The following HMBOX1 variants were observed in gnomAD, a reference collection of about 807,000 sequenced individuals.
The protein encoded by HMBOX1 is homeobox-containing protein 1.
HMBOX1 carries 14 observed loss-of-function variants against 54.5 expected under a neutral mutation model. That is an observed-to-expected ratio of 0.26 (90% CI 0.17 to 0.40). HMBOX1 has a LOEUF of 0.40. Among genes scored for constraint, HMBOX1 ranks in the 10% least tolerant of loss-of-function variants. The pLI is 1.00. For synonymous variants in HMBOX1, 160 were observed against 181.0 expected (o/e 0.88, Z 0.93); for missense variants, 332 against 514.4 (o/e 0.65, Z 3.43).
At chr8:28,924,039 A>T (rs1817986227) in intron 1 of HMBOX1, among the ~76,000 whole-genome samples, 1 of 151,596 alleles carries the variant, frequency 6.6e-6, no homozygotes, top group Non-Finnish European at 1.5e-5. Context: ...ATGATTTGCA[A>T]ATATATTTTC....
chr8:28,903,459 C>A (rs1393172130), intron 1 of HMBOX1, among the ~76,000 whole-genome samples: 1 of 152,200 alleles, frequency 6.6e-6, no homozygotes, highest in African/African-American at 2.4e-5. Context: ...GCCACTATTC[C>A]AACCATCTGA....
chr8:29,047,228 T>C (rs1314106649), intron 7 of HMBOX1, 130 bp from the exon 8 acceptor site: 7 of 637,064 alleles, frequency 1.1e-5, no homozygotes, highest in Non-Finnish European at 2.0e-5. Flanking sequence ...ACTTTAAAAA[T>C]CCCTCTGCAT....
chr8:28,901,439 C>T (rs1242032759), intron 1 of HMBOX1, among the ~76,000 whole-genome samples: 3 of 151,942 alleles, frequency 2.0e-5, no homozygotes, highest in East Asian at 1.9e-4. Context: ...TCTTTTTGTA[C>T]TTTTCTCCCT....
intron 1 of HMBOX1, among the ~76,000 whole-genome samples, chr8:28,947,365 C>T (rs1822653700): frequency 6.6e-6 from 1 of 152,154 alleles, no homozygotes; most frequent in Admixed American, 6.5e-5. Flanking sequence ...CCTGGTTATT[C>T]TGAATTATAT....
chr8:28,972,123 C>T (rs1030171849), intron 3 of HMBOX1, among the ~76,000 whole-genome samples: 2 of 152,182 alleles, frequency 1.3e-5, no homozygotes, highest in South Asian at 4.1e-4. Flanking sequence ...ACTATTTTAT[C>T]TGGATTCCAG....
rs1386296260 is a variant in HMBOX1, at chr8:28,970,168, T to G, written c.149T>G (p.Leu50Trp). Residue 50 changes from leucine (L) to tryptophan (W), a missense_variant, in exon 3 of 10, where the codon TTG (leucine) becomes TGG (tryptophan). This residue lies in a region of HMBOX1 where 146 missense variants were observed against 173.3 expected (regional missense o/e 0.84). Transcript: ENST00000287701. This position sits in a 1 kb window ranked among gnomAD's most constrained non-coding sequence, Gnocchi z 4.3. ...KHEILHALET[L>W]DRLDQEHSDK... is the part of the protein sequence containing the mutation. ...GAAATTCTCCATGCCTTGGAAACTT[T>G]GGACCGTCTTGATCAAGAGCATAGT... The G allele has an allele frequency of 6.2e-7, 1 of 1,614,216 alleles. No individual in the cohort carries two copies. Among genetic ancestry groups the G allele is most frequent in the Middle Eastern group, 1.6e-4 (1 of 6,062 alleles).
At chr8:28,950,486 A>G (rs1194325398) in intron 1 of HMBOX1, among the ~76,000 whole-genome samples, 1 of 152,354 alleles carries the variant, frequency 6.6e-6, no homozygotes, top group Admixed American at 6.5e-5. Context: ...GCACTCTGAG[A>G]TTTCCATAGA....
At chr8:29,040,237 G>A (rs1804619057) in intron 6 of HMBOX1, among the ~76,000 whole-genome samples, 1 of 151,848 alleles carries the variant, frequency 6.6e-6, no homozygotes, top group Non-Finnish European at 1.5e-5. Flanking sequence ...TCTTCTTCTC[G>A]AACCATAATC....
chr8:28,958,906 G>C (rs1046106305), intron 1 of HMBOX1, among the ~76,000 whole-genome samples: 2 of 151,918 alleles, frequency 1.3e-5, no homozygotes, highest in Non-Finnish European at 2.9e-5. Flanking sequence ...TGATATATTG[G>C]ATTATGTTGA....
At chr8:28,954,966 G>A (rs1052419748) in intron 1 of HMBOX1, among the ~76,000 whole-genome samples, 6 of 152,076 alleles carry the variant, frequency 3.9e-5, no homozygotes, top group East Asian at 1.9e-4. Context: ...ATACAGTATC[G>A]ACAGGTTCTT....
At chr8:28,925,923 T>G (rs1157737034) in intron 1 of HMBOX1, among the ~76,000 whole-genome samples, 2 of 152,224 alleles carry the variant, frequency 1.3e-5, no homozygotes, top group Admixed American at 6.5e-5. Flanking sequence ...ACCTGGTGTC[T>G]TGATGGTTAA....
At chr8:28,926,737 T>TA (rs576901267) in intron 1 of HMBOX1, among the ~76,000 whole-genome samples, 141 of 152,182 alleles carry the variant, frequency 9.3e-4, no homozygotes, top group South Asian at 7.7e-3. Flanking sequence ...CTAGCTAATT[T>TA]AAAAAAACTT....
chr8:28,946,585 T>C (rs1822513906), intron 1 of HMBOX1, among the ~76,000 whole-genome samples: 1 of 151,636 alleles, frequency 6.6e-6, no homozygotes, highest in Non-Finnish European at 1.5e-5. Flanking sequence ...AAAAAAAATA[T>C]ATACAATTGT....
rs1281660516 is a variant in HMBOX1, at chr8:28,915,899, A to G, written c.-58+25221A>G. ...TTTAATAACAGGTTTTATTTAACTC[A>G]GTATTTCCAAAATATTACTATTTCA... On this transcript the variant is annotated intron_variant, in intron 1 of 9. Coordinates refer to ENST00000287701, the MANE Select transcript of HMBOX1 (RefSeq NM_001135726.3). 10 of 152,282 alleles carry G rather than the reference A, an allele frequency of 6.6e-5. No individual in the cohort carries two copies. In the East Asian group the frequency reaches 1.9e-3, roughly 30 times the overall value. 9.4% of individuals were successfully genotyped at this position (152,282 alleles called of 1,614,324 possible).
intron 4 of HMBOX1, among the ~76,000 whole-genome samples, chr8:28,994,093 G>A (rs1337736153): frequency 2.0e-5 from 3 of 151,862 alleles, no homozygotes; most frequent in Non-Finnish European, 4.4e-5. Flanking sequence ...TTTGAACTCA[G>A]GAGGTGGAGG....
At chr8:28,893,135 C>G (rs1003203929) in intron 1 of HMBOX1, among the ~76,000 whole-genome samples, 6 of 152,120 alleles carry the variant, frequency 3.9e-5, no homozygotes, top group African/African-American at 1.4e-4. Context: ...ATTCATTAAA[C>G]TTTTTCTGGC....
chr8:28,910,553 A>ATTGTCTAT (rs1815219547), intron 1 of HMBOX1, among the ~76,000 whole-genome samples: 1 of 152,138 alleles, frequency 6.6e-6, no homozygotes. Context: ...AACACTTGTT[A>ATTGTCTAT]TTGTCTATCT....
intron 3 of HMBOX1, among the ~76,000 whole-genome samples, chr8:28,978,290 G>T (rs1828769046): frequency 6.6e-6 from 1 of 152,126 alleles, no homozygotes; most frequent in Non-Finnish European, 1.5e-5. Flanking sequence ...CATTGTTTTT[G>T]AATAGGATAC....
At chr8:29,048,204 G>A (rs1437570352) in intron 8 of HMBOX1, among the ~76,000 whole-genome samples, 3 of 152,096 alleles carry the variant, frequency 2.0e-5, no homozygotes, top group African/African-American at 7.2e-5. Context: ...CGCAGCAAAA[G>A]GCAGAGATAA....
Sources: allele counts gnomAD v4.1 joint callset (sites outside exome capture counted in the v4.1 genomes callset), GRCh38; gene constraint gnomAD v4.1.1; regional missense constraint gnomAD v4.1.1; non-coding constraint Gnocchi (gnomAD v3.1); transcripts MANE v1.5; gene names NCBI Gene and HGNC (gene_info 2026-07-23, HGNC 2026-07-21).